The following ASCL2 variants were observed in gnomAD, a reference collection of about 807,000 sequenced individuals.
ASCL2 encodes the protein achaete-scute family bHLH transcription factor 2.
ASCL2 carries 6 observed loss-of-function variants against 5.1 expected under a neutral mutation model. The observed-to-expected ratio is 1.17, with a 90% CI of 0.64 to 2.31. The LOEUF is 2.31. Among genes scored for constraint, ASCL2 ranks in the 30% most tolerant of loss-of-function variants. The probability of loss-of-function intolerance (pLI) is 0.00; values close to 1 mark genes in which losing one functional copy is unlikely to be tolerated. For missense variants in ASCL2, 320 were observed against 310.3 expected, an observed-to-expected ratio of 1.03 and a Z score of -0.23; for synonymous variants, 174 against 157.3, an observed-to-expected ratio of 1.11 and a Z score of -0.80.
In ASCL2 at chr11:2,270,196, C is replaced by T. The variant is rs771052351; in HGVS notation, c.137G>A (p.Gly46Glu). 2 of 1,489,200 alleles carry T rather than the reference C, an allele frequency of 1.3e-6. No individual in the cohort carries two copies. The highest frequency in any genetic ancestry group is 1.8e-6 in the Non-Finnish European group (2 of 1,126,940). The allele number at this position is 1,489,200 out of a possible 1,614,324, so 92.2% of individuals were successfully genotyped here. Residue 46 changes from glycine to glutamate, a missense_variant, in exon 1 of 2, where the codon GGA (glycine) becomes GAA (glutamate). By Grantham distance (98) the Gly-to-Glu change is moderately conservative. Coordinates refer to ENST00000331289, the MANE Select transcript of ASCL2 (RefSeq NM_005170.3). The part of the protein sequence containing the change: ...RRRRPATAET[G>E]GGAAAVARRN... Reference sequence around the variant, plus strand: ...CCGCGCTACGGCCGCTGCGCCGCCTCCGGTCTCTGCGGTGGCCGGTCGCCG... The same window carrying T: ...CCGCGCTACGGCCGCTGCGCCGCCTTCGGTCTCTGCGGTGGCCGGTCGCCG...
Position 2,269,966 on chromosome 11 carries a change from G to T in ASCL2, c.367C>A (p.Gln123Lys). 1 of 1,301,146 alleles carries T rather than the reference G, an allele frequency of 7.7e-7. No homozygotes were observed. 80.6% of individuals were successfully genotyped at this position (1,301,146 alleles called of 1,614,324 possible). ...RNALAGGLRP[Q>K]AVRPSAPRGP... ...CGGGGCGCAGACGGCCGCACGGCCT[G>T]CGGCCTCAGCCCTCCCGCCAGCGCG... is the stretch of plus-strand genomic sequence containing the variant. Residue 123 changes from glutamine to lysine, a missense_variant, in exon 1 of 2, where the codon CAG becomes AAG. By Grantham distance (53) the Gln-to-Lys change is moderately conservative (BLOSUM62 1). Coordinates refer to ENST00000331289, the MANE Select transcript of ASCL2 (RefSeq NM_005170.3).
Position 2,270,382 on chromosome 11 carries a change from G to T in ASCL2, c.-50C>A, listed in dbSNP as rs1847236441. 7.9e-7 allele frequency: 1 copy of T among 1,260,826 alleles called. No individual in the cohort carries two copies. The highest frequency in any genetic ancestry group is 1.0e-6 in the Non-Finnish European group (1 of 1,003,156). 78.1% of individuals were successfully genotyped at this position (1,260,826 alleles called of 1,614,324 possible). A position where few individuals can be genotyped will look rare whatever the true frequency, so the allele number is the denominator to read the frequency against. On this transcript the variant is annotated 5_prime_UTR_variant, in exon 1 of 2. Transcript: ENST00000331289. The stretch of plus-strand genomic sequence containing the variant: ...CCAGGTCCCGGCGCGCCGCAGGAAG[G>T]TGCAGGCAGAGGAACCGGAGGCGAC...
Position 2,269,794 on chromosome 11 carries a change from T to G in ASCL2, c.539A>C (p.Glu180Ala). 1 of 1,445,450 alleles carries G rather than the reference T, an allele frequency of 6.9e-7. No homozygotes were observed. The highest frequency in any genetic ancestry group is 9.1e-7 in the Non-Finnish European group (1 of 1,093,036). The allele number at this position is 1,445,450 out of a possible 1,614,324, so 89.5% of individuals were successfully genotyped here. The change falls in exon 1 of 2, where the codon GAG (glutamate) becomes GCG (alanine). Residue 180 changes from glutamate (E) to alanine (A), a missense_variant. Glu to Ala is a moderately radical substitution (Grantham distance 107). Coordinates refer to ENST00000331289, the MANE Select transcript of ASCL2 (RefSeq NM_005170.3). ...SGCEGALSPAERELLDFSSWL... is the reference protein window; with the variant it reads ...SGCEGALSPAARELLDFSSWL... The stretch of plus-strand genomic sequence containing the variant: ...GCTGGAGAAGTCGAGTAGCTCGCGC[T>G]CCGCAGGACTCAGCGCGCCTTCGCA...
chr11:2,270,113 G>T lies in ASCL2; in HGVS notation c.220C>A (p.Arg74=). Residue 74 remains arginine, a synonymous_variant, in exon 1 of 2, where the codon CGG becomes AGG. Transcript: ENST00000331289. ...GCGCCGCCGTGCGGCACGTGCTGCC[G>T]CAGCGCCTGGAAGCCCAAGTTCACC... The part of the protein sequence containing the change: ...KLVNLGFQAL[R]QHVPHGGASK... The T allele has an allele frequency of 2.6e-6, 4 of 1,517,616 alleles. No homozygotes were observed. Among genetic ancestry groups the T allele is most frequent in the Non-Finnish European group, 3.5e-6 (4 of 1,138,940 alleles). The allele number at this position is 1,517,616 out of a possible 1,614,324, so 94.0% of individuals were successfully genotyped here. A position where few individuals can be genotyped will look rare whatever the true frequency, so the allele number is the denominator to read the frequency against.
In ASCL2 at chr11:2,269,723, CG is replaced by C; in HGVS notation, c.*18+9del. On this transcript the variant is annotated intron_variant, in intron 1 of 1. Coordinates refer to ENST00000331289, the MANE Select transcript of ASCL2 (RefSeq NM_005170.3). The stretch of plus-strand genomic sequence containing the variant: ...CCGGCCCTCCCTCCTCCCTGCCTCC[CG>C]GCTGTTACCTCATAGGTCGAGGGCG... The C allele has an allele frequency of 7.6e-7, 1 of 1,307,988 alleles. No individual in the cohort carries two copies. The highest frequency in any genetic ancestry group is 9.8e-7 in the Non-Finnish European group (1 of 1,020,794). The allele number at this position is 1,307,988 out of a possible 1,614,324, so 81.0% of individuals were successfully genotyped here. A position where few individuals can be genotyped will look rare whatever the true frequency, so the allele number is the denominator to read the frequency against.
At position 2,270,060 on chromosome 11, in the gene ASCL2, C is replaced by T; in HGVS notation, c.273G>A (p.Thr91=). The T allele has an allele frequency of 6.8e-7, 1 of 1,478,958 alleles. No homozygotes were observed. The highest frequency in any genetic ancestry group is 1.3e-5 in the South Asian group (1 of 78,116). The allele number at this position is 1,478,958 out of a possible 1,614,324, so 91.6% of individuals were successfully genotyped here. A position where few individuals can be genotyped will look rare whatever the true frequency, so the allele number is the denominator to read the frequency against. The stretch of plus-strand genomic sequence containing the variant: ...GGATGTACTCCACGGCTGAGCGCAG[C>T]GTCTCCACCTTGCTCAGCTTCTTGC... ...GASKKLSKVE[T]LRSAVEYIRA... The change falls in exon 1 of 2, where the codon ACG becomes ACA. Residue 91 remains threonine, a synonymous_variant. Transcript: ENST00000331289.
Position 2,270,201 on chromosome 11 carries a change from C to A in ASCL2, c.132G>T (p.Glu44Asp). ...CTACGGCCGCTGCGCCGCCTCCGGT[C>A]TCTGCGGTGGCCGGTCGCCGCCGCC... ...CSRRRRPATA[E>D]TGGGAAAVAR... Residue 44 changes from glutamate to aspartate, a missense_variant, in exon 1 of 2, where the codon GAG becomes GAT. By Grantham distance (45) the Glu-to-Asp change is conservative. Coordinates refer to ENST00000331289, the MANE Select transcript of ASCL2 (RefSeq NM_005170.3). 6.7e-7 allele frequency: 1 copy of A among 1,483,048 alleles called. No homozygotes were observed. Among genetic ancestry groups the A allele is most frequent in the Non-Finnish European group, 8.9e-7 (1 of 1,123,960 alleles). The allele number at this position is 1,483,048 out of a possible 1,614,324, so 91.9% of individuals were successfully genotyped here. A position where few individuals can be genotyped will look rare whatever the true frequency, so the allele number is the denominator to read the frequency against.
At chr11:2,269,671 G>GGC in intron 1 of ASCL2, 62 bp downstream of exon 1, 972 of 1,040,464 alleles carry the variant, frequency 9.3e-4, no homozygotes, top group Non-Finnish European at 1.1e-3. Context: ...CGCCGGGCCT[G>GGC]CCCACCCCGT....
Position 2,270,467 on chromosome 11 carries a change from G to C in ASCL2, c.-135C>G, listed in dbSNP as rs1387323545. Reference sequence around the variant, plus strand: ...CACGGCGCCGCCAGGCAACTCCCCAGGGCACGCGTCCTAGGTCGTCTGGAG... The same window carrying C: ...CACGGCGCCGCCAGGCAACTCCCCACGGCACGCGTCCTAGGTCGTCTGGAG... On this transcript the variant is annotated 5_prime_UTR_variant, in exon 1 of 2. Coordinates refer to ENST00000331289, the MANE Select transcript of ASCL2 (RefSeq NM_005170.3). The C allele has an allele frequency of 4.0e-6, 5 of 1,252,182 alleles. No individual in the cohort carries two copies. In the South Asian group the frequency reaches 1.8e-4, roughly 46 times the overall value. The allele number at this position is 1,252,182 out of a possible 1,614,324, so 77.6% of individuals were successfully genotyped here.
intron 1 of ASCL2, 41 bp downstream of exon 1, chr11:2,269,692 C>G (rs989795494): frequency 4.7e-6 from 6 of 1,267,402 alleles, no homozygotes; most frequent in Non-Finnish European, 4.0e-6. Context: ...CCCTCCACCC[C>G]GGCCCCCGGC....
chr11:2,270,447 C>T lies in ASCL2; in HGVS notation c.-115G>A. On this transcript the variant is annotated 5_prime_UTR_variant, in exon 1 of 2. Coordinates refer to ENST00000331289, the MANE Select transcript of ASCL2 (RefSeq NM_005170.3). ...CGCCCCAAGGGGGCTTCTGGCACGG[C>T]GCCGCCAGGCAACTCCCCAGGGCAC... 8.0e-7 allele frequency: 1 copy of T among 1,252,980 alleles called. No homozygotes were observed. Among genetic ancestry groups the T allele is most frequent in the Non-Finnish European group, 1.0e-6 (1 of 993,838 alleles). The allele number at this position is 1,252,980 out of a possible 1,614,324, so 77.6% of individuals were successfully genotyped here.
In ASCL2 at chr11:2,270,166, TTGCGCCGCGCTACGGCCGC is replaced by T. The variant is rs778974931; in HGVS notation, c.148_166del (p.Ala50MetfsTer8). 7 of 1,519,178 alleles carry T rather than the reference TTGCGCCGCGCTACGGCCGC, an allele frequency of 4.6e-6. No individual in the cohort carries two copies. Among genetic ancestry groups the T allele is most frequent in the East Asian group, 2.7e-5 (1 of 36,880 alleles). 94.1% of individuals were successfully genotyped at this position (1,519,178 alleles called of 1,614,324 possible). On this transcript the variant is annotated frameshift_variant, in exon 1 of 2. Coordinates refer to ENST00000331289, the MANE Select transcript of ASCL2 (RefSeq NM_005170.3). LOFTEE classifies it high-confidence loss of function. ...CTTCACGCGGTTGCGCTCGCGCTCA[TTGCGCCGCGCTACGGCCGC>T]TGCGCCGCCTCCGGTCTCTGCGGTG...
chr11:2,270,551 C>T lies in ASCL2; in HGVS notation c.-219G>A, dbSNP rs942784982. On this transcript the variant is annotated 5_prime_UTR_variant, in exon 1 of 2. Transcript: ENST00000331289. ...TACGCGCCAGGGAGCGTGGGACGCT[C>T]GTGTCCCGCGCGTGCGGCCGGACTC... 3 of 894,206 alleles carry T rather than the reference C, an allele frequency of 3.4e-6. No homozygotes were observed. The highest frequency in any genetic ancestry group is 5.9e-5 in the South Asian group (1 of 16,944). 55.4% of individuals were successfully genotyped at this position (894,206 alleles called of 1,614,324 possible).
rs976139581 is a variant in ASCL2 at position 2,270,193 on chromosome 11, C to T, written c.140G>A (p.Gly47Asp). The T allele has an allele frequency of 6.7e-7, 1 of 1,492,346 alleles. No individual in the cohort carries two copies. Among genetic ancestry groups the T allele is most frequent in the South Asian group, 1.3e-5 (1 of 79,464 alleles). 92.4% of individuals were successfully genotyped at this position (1,492,346 alleles called of 1,614,324 possible). A position where few individuals can be genotyped will look rare whatever the true frequency, so the allele number is the denominator to read the frequency against. ...RRRPATAETG[G>D]GAAAVARRNE... ...GCGCCGCGCTACGGCCGCTGCGCCG[C>T]CTCCGGTCTCTGCGGTGGCCGGTCG... Residue 47 changes from glycine to aspartate, a missense_variant, in exon 1 of 2, where the codon GGC becomes GAC. Physicochemically the swap from Gly to Asp is moderately conservative, Grantham distance 94 (BLOSUM62 -1). Coordinates refer to ENST00000331289, the MANE Select transcript of ASCL2 (RefSeq NM_005170.3).
chr11:2,269,751 T>C lies in ASCL2; in HGVS notation c.582A>G (p.Ter194TrpextTer193). ...CTGTTACCTCATAGGTCGAGGGCGC[T>C]CAGTAGCCCCCTAACCAGCTGGAGA... ...LDFSSWLGGY* is the reference protein window; with the variant it reads ...LDFSSWLGGYW Residue 194 changes from the stop codon to tryptophan, a stop_lost, in exon 1 of 2, where the codon TGA (stop) becomes TGG (tryptophan). Coordinates refer to ENST00000331289, the MANE Select transcript of ASCL2 (RefSeq NM_005170.3). 7.2e-7 allele frequency: 1 copy of C among 1,386,408 alleles called. No individual in the cohort carries two copies. Among genetic ancestry groups the C allele is most frequent in the Non-Finnish European group, 9.4e-7 (1 of 1,062,784 alleles). 85.9% of individuals were successfully genotyped at this position (1,386,408 alleles called of 1,614,324 possible). A position where few individuals can be genotyped will look rare whatever the true frequency, so the allele number is the denominator to read the frequency against.
chr11:2,270,425 C>T lies in ASCL2; in HGVS notation c.-93G>A, dbSNP rs1461698028. The T allele has an allele frequency of 1.6e-6, 2 of 1,252,968 alleles. No individual in the cohort carries two copies. The highest frequency in any genetic ancestry group is 2.0e-6 in the Non-Finnish European group (2 of 994,946). The allele number at this position is 1,252,968 out of a possible 1,614,324, so 77.6% of individuals were successfully genotyped here. Reference sequence around the variant, plus strand: ...GAGGCGACGGGGAAAACTGTGGCGCCCCAAGGGGGCTTCTGGCACGGCGCC... The same window carrying T: ...GAGGCGACGGGGAAAACTGTGGCGCTCCAAGGGGGCTTCTGGCACGGCGCC... On this transcript the variant is annotated 5_prime_UTR_variant, in exon 1 of 2. Coordinates refer to ENST00000331289, the MANE Select transcript of ASCL2 (RefSeq NM_005170.3).
chr11:2,270,101 G>C lies in ASCL2; in HGVS notation c.232C>G (p.Pro78Ala). ...AGCTTCTTGCTGGCGCCGCCGTGCG[G>C]CACGTGCTGCCGCAGCGCCTGGAAG... The part of the protein sequence containing the change: ...LGFQALRQHV[P>A]HGGASKKLSK... Residue 78 changes from proline (P) to alanine (A), a missense_variant, in exon 1 of 2, where the codon CCG becomes GCG. Transcript: ENST00000331289. 1 of 1,509,462 alleles carries C rather than the reference G, an allele frequency of 6.6e-7. No individual in the cohort carries two copies. 93.5% of individuals were successfully genotyped at this position (1,509,462 alleles called of 1,614,324 possible).
intron 1 of ASCL2, 62 bp downstream of exon 1, chr11:2,269,671 G>GCCCCCC: frequency 1.9e-6 from 2 of 1,042,582 alleles, no homozygotes; most frequent in Non-Finnish European, 1.3e-6. Context: ...CGCCGGGCCT[G>GCCCCCC]CCCACCCCGT....
rs1415155194 is a variant in ASCL2, at chr11:2,270,293, G to A, written c.40C>T (p.Pro14Ser). ...GTLPRSAPPA[P>S]PVPVGCAARR... is the part of the protein sequence containing the mutation. ...GCAGCGCAGCCGACAGGGACGGGGG[G>A]CGCAGGGGGCGCGGACCTGGGCAGT... The change falls in exon 1 of 2, where the codon CCC (proline) becomes TCC (serine). Residue 14 changes from proline to serine, a missense_variant. Coordinates refer to ENST00000331289, the MANE Select transcript of ASCL2 (RefSeq NM_005170.3). 9.0e-6 allele frequency: 12 copies of A among 1,337,974 alleles called. No individual in the cohort carries two copies. In the East Asian group the frequency reaches 1.2e-4, roughly 14 times the overall value. The allele number at this position is 1,337,974 out of a possible 1,614,324, so 82.9% of individuals were successfully genotyped here. A position where few individuals can be genotyped will look rare whatever the true frequency, so the allele number is the denominator to read the frequency against.
Sources: gnomAD v4.1 joint callset for allele counts on GRCh38, gnomAD v4.1.1 for gene constraint, MANE v1.5 for transcripts, NCBI Gene and HGNC (gene_info 2026-07-23, HGNC 2026-07-21) for gene names.